The following ZNF594 variants were observed in gnomAD, a reference collection of about 807,000 sequenced individuals.
The protein encoded by ZNF594 is zinc finger protein HZF18.
For missense variants in ZNF594, 1,037 were observed against 964.6 expected, an observed-to-expected ratio of 1.08 and a Z score of -0.99; for synonymous variants, 336 against 309.4, an observed-to-expected ratio of 1.09 and a Z score of -0.90.
At position 5,183,637 on chromosome 17, in the gene ZNF594, C is replaced by G. The variant is rs758946143; in HGVS notation, c.620G>C (p.Gly207Ala). 3.1e-6 allele frequency: 5 copies of G among 1,614,088 alleles called. No individual in the cohort carries two copies. In the East Asian group the frequency reaches 1.1e-4, roughly 36 times the overall value. ...CTCTTTGCACTCATAGGGATTCCCACCACTGTGAATTTGCTTATGTCTCAC... is the reference window on the plus strand; with the variant it reads ...CTCTTTGCACTCATAGGGATTCCCAGCACTGTGAATTTGCTTATGTCTCAC... ...NLVRHKQIHS[G>A]GNPYECKECG... The change falls in exon 2 of 2, where the codon GGT becomes GCT. Residue 207 changes from glycine (G) to alanine (A), a missense_variant. Coordinates refer to ENST00000575779, the MANE Select transcript of ZNF594 (RefSeq NM_032530.2).
downstream of ZNF594, among the ~76,000 whole-genome samples, chr17:5,177,637 G>A (rs1293414446): frequency 6.6e-6 from 1 of 152,142 alleles, no homozygotes; most frequent in Non-Finnish European, 1.5e-5. Context: ...AGGAGTTCGA[G>A]ACCAGCCTGG....
intron 1 of ZNF594, among the ~76,000 whole-genome samples, chr17:5,184,881 G>A (rs900244633): frequency 6.6e-6 from 1 of 152,134 alleles, no homozygotes; most frequent in African/African-American, 2.4e-5. Flanking sequence ...AAACAAAGAT[G>A]GGTGGATCTG....
Position 5,184,020 on chromosome 17 carries a change from T to C in ZNF594, c.237A>G (p.Gly79=), listed in dbSNP as rs1567826918. The stretch of plus-strand genomic sequence containing the variant: ...CTTCATTACATCCATGGCCAATCTC[T>C]CCCACAATGGCTTTCTGGGGGATAA... ...MHIIPQKAIV[G]EIGHGCNEGE... Residue 79 remains glycine (G), a synonymous_variant, in exon 2 of 2, where the codon GGA becomes GGG. Coordinates refer to ENST00000575779, the MANE Select transcript of ZNF594 (RefSeq NM_032530.2). The C allele has an allele frequency of 6.2e-7, 1 of 1,614,192 alleles. No homozygotes were observed.
intron 1 of ZNF594, among the ~76,000 whole-genome samples, chr17:5,184,897 G>A (rs1051514359): frequency 2.6e-5 from 4 of 152,130 alleles, no homozygotes; most frequent in African/African-American, 9.7e-5. Context: ...ATCTGGAGTT[G>A]AGAGGCAATA....
chr17:5,189,822 A>G (rs1324924283), intron 1 of ZNF594, among the ~76,000 whole-genome samples: 3 of 152,224 alleles, frequency 2.0e-5, no homozygotes, highest in Non-Finnish European at 4.4e-5. Flanking sequence ...CTGGCCAAAA[A>G]CAAATTAGAT....
At chr17:5,190,285 T>C (rs1443628930) in intron 1 of ZNF594, among the ~76,000 whole-genome samples, 2 of 152,130 alleles carry the variant, frequency 1.3e-5, no homozygotes, top group Admixed American at 1.3e-4. Context: ...GGAGAATCGC[T>C]TGAACCTGGG....
chr17:5,184,147 G>A lies in ZNF594; in HGVS notation c.110C>T (p.Thr37Ile), dbSNP rs774850501. 1.2e-6 allele frequency: 2 copies of A among 1,614,170 alleles called. No homozygotes were observed. Among genetic ancestry groups the A allele is most frequent in the Non-Finnish European group, 1.7e-6 (2 of 1,180,030 alleles). ...QITQECELVETSNSEDRLLKH... is the reference protein window; with the variant it reads ...QITQECELVEISNSEDRLLKH... ...CAATAATCTGTCCTCAGAATTACTGGTTTCAACTAACTCACATTCCTGGGT... is the reference window on the plus strand; with the variant it reads ...CAATAATCTGTCCTCAGAATTACTGATTTCAACTAACTCACATTCCTGGGT... Residue 37 changes from threonine (T) to isoleucine (I), a missense_variant, in exon 2 of 2, where the codon ACC becomes ATC. Thr to Ile is a moderately conservative substitution (Grantham distance 89). Coordinates refer to ENST00000575779, the MANE Select transcript of ZNF594 (RefSeq NM_032530.2).
intron 1 of ZNF594, among the ~76,000 whole-genome samples, chr17:5,185,172 A>C (rs913014919): frequency 2.6e-5 from 4 of 152,136 alleles, no homozygotes; most frequent in Non-Finnish European, 5.9e-5. Flanking sequence ...TCCCCAGTGG[A>C]TTAGTCCGTT....
intron 1 of ZNF594, among the ~76,000 whole-genome samples, chr17:5,188,013 C>A (rs1023734972): frequency 6.6e-6 from 1 of 151,596 alleles, no homozygotes; most frequent in Non-Finnish European, 1.5e-5. Flanking sequence ...AGGCACTGCA[C>A]CTGGCCTTGG....
Position 5,182,409 on chromosome 17 carries a change from TCTATGATGTCTCAGAA to T in ZNF594, c.1832_1847del (p.Leu611GlnfsTer166), listed in dbSNP as rs1264699451. The T allele has an allele frequency of 6.2e-7, 1 of 1,613,604 alleles. No individual in the cohort carries two copies. The highest frequency in any genetic ancestry group is 8.5e-7 in the Non-Finnish European group (1 of 1,180,008). On this transcript the variant is annotated frameshift_variant, in exon 2 of 2. Transcript: ENST00000575779. LOFTEE classifies it low-confidence loss of function (END_TRUNC). ...CATAAGGTTTTTCTCCACTGTGAAT[TCTATGATGTCTCAGAA>T]GGTCTGAGCTCTGATTGAAAGTTTT...
chr17:5,183,594 C>T lies in ZNF594; in HGVS notation c.663G>A (p.Lys221=). The T allele has an allele frequency of 6.2e-7, 1 of 1,614,134 alleles. No homozygotes were observed. Among genetic ancestry groups the T allele is most frequent in the Non-Finnish European group, 8.5e-7 (1 of 1,180,004 alleles). ...YECKECGKAF[K]GSSNLVLHQR... Reference sequence around the variant, plus strand: ...GGTGCAGGACAAGGTTTGAGCTTCCCTTAAAAGCCTTCCCACACTCTTTGC... The same window carrying T: ...GGTGCAGGACAAGGTTTGAGCTTCCTTTAAAAGCCTTCCCACACTCTTTGC... The change falls in exon 2 of 2, where the codon AAG becomes AAA. Residue 221 remains lysine (K), a synonymous_variant. Coordinates refer to ENST00000575779, the MANE Select transcript of ZNF594 (RefSeq NM_032530.2).
At position 5,191,853 on chromosome 17, in the gene ZNF594, G is replaced by C. The variant is rs1020027670; in HGVS notation, c.-126C>G. 1 of 152,140 alleles carries C rather than the reference G, an allele frequency of 6.6e-6. No homozygotes were observed. Among genetic ancestry groups the C allele is most frequent in the African/African-American group, 2.4e-5 (1 of 41,404 alleles). 9.4% of individuals were successfully genotyped at this position (152,140 alleles called of 1,614,324 possible). A position where few individuals can be genotyped will look rare whatever the true frequency, so the allele number is the denominator to read the frequency against. ...CATCTTGGACCCCGCGCCTGGGCCA[G>C]GCGAGAACTTCCGGTGCGCTCCCCG... On this transcript the variant is annotated 5_prime_UTR_variant, in exon 1 of 2. Coordinates refer to ENST00000575779, the MANE Select transcript of ZNF594 (RefSeq NM_032530.2).
At chr17:5,186,478 G>T (rs2074387324) in intron 1 of ZNF594, among the ~76,000 whole-genome samples, 1 of 152,242 alleles carries the variant, frequency 6.6e-6, no homozygotes, top group South Asian at 2.1e-4. Flanking sequence ...GCCTGTGATG[G>T]GAGGGGCTGC....
chr17:5,191,852 A>C lies in ZNF594; in HGVS notation c.-125T>G, dbSNP rs1047884747. On this transcript the variant is annotated 5_prime_UTR_variant, in exon 1 of 2. Coordinates refer to ENST00000575779, the MANE Select transcript of ZNF594 (RefSeq NM_032530.2). ...CCATCTTGGACCCCGCGCCTGGGCCAGGCGAGAACTTCCGGTGCGCTCCCC... is the reference window on the plus strand; with the variant it reads ...CCATCTTGGACCCCGCGCCTGGGCCCGGCGAGAACTTCCGGTGCGCTCCCC... 6.6e-6 allele frequency: 1 copy of C among 151,974 alleles called. No homozygotes were observed. Among genetic ancestry groups the C allele is most frequent in the Non-Finnish European group, 1.5e-5 (1 of 67,998 alleles). 9.4% of individuals were successfully genotyped at this position (151,974 alleles called of 1,614,324 possible).
Position 5,182,444 on chromosome 17 carries a change from A to C in ZNF594, c.1813T>G (p.Phe605Val), listed in dbSNP as rs202038860. 2.2e-5 allele frequency: 36 copies of C among 1,608,502 alleles called. No homozygotes were observed. Among genetic ancestry groups the C allele is most frequent in the Non-Finnish European group, 2.7e-5 (32 of 1,179,434 alleles). ...PYECKECGKTFNQSSDLLRHH... is the reference protein window; with the variant it reads ...PYECKECGKTVNQSSDLLRHH... The stretch of plus-strand genomic sequence containing the variant: ...CTCAGAAGGTCTGAGCTCTGATTGA[A>C]AGTTTTCCCACATTCTTTGCATTCA... The change falls in exon 2 of 2, where the codon TTC becomes GTC. Residue 605 changes from phenylalanine to valine, a missense_variant. Physicochemically the swap from Phe to Val is conservative, Grantham distance 50. Coordinates refer to ENST00000575779, the MANE Select transcript of ZNF594 (RefSeq NM_032530.2).
downstream of ZNF594, among the ~76,000 whole-genome samples, chr17:5,175,201 C>T (rs749082369): frequency 6.6e-6 from 1 of 152,182 alleles, no homozygotes; most frequent in Non-Finnish European, 1.5e-5. Flanking sequence ...TGTTAGGAAC[C>T]GGGCTGCACA....
At chr17:5,188,548 A>G (rs1291722583) in intron 1 of ZNF594, among the ~76,000 whole-genome samples, 1 of 152,158 alleles carries the variant, frequency 6.6e-6, no homozygotes, top group African/African-American at 2.4e-5. Context: ...ACACATTTTC[A>G]GGGAAGAATA....
At position 5,190,778 on chromosome 17, in the gene ZNF594, T is replaced by C. The variant is rs117128634; in HGVS notation, c.-21+970A>G. The stretch of plus-strand genomic sequence containing the variant: ...ACAGACTCCATTTTAGTTTCTCCAC[T>C]GGCAGCCCCCTTTCACCTCCCTCCC... On this transcript the variant is annotated intron_variant, in intron 1 of 1. Transcript: ENST00000575779. Among the ~76,000 whole-genome samples the C allele has an allele frequency of 7.4e-3, 1,123 of 152,264 alleles. 11 individuals carry two copies. The highest frequency in any genetic ancestry group is 0.034 in the Middle Eastern group (10 of 294).
chr17:5,181,900 T>C lies in ZNF594; in HGVS notation c.2357A>G (p.Glu786Gly), dbSNP rs2074344125. ...LIRHQVTHTR[E>G]KPYECKECGK... Reference sequence around the variant, plus strand: ...ACATTCTTTACATTCATATGGTTTCTCTCTTGTATGAGTTACCTGATGTCT... The same window carrying C: ...ACATTCTTTACATTCATATGGTTTCCCTCTTGTATGAGTTACCTGATGTCT... Residue 786 changes from glutamate (E) to glycine (G), a missense_variant, in exon 2 of 2, where the codon GAG becomes GGG. Physicochemically the swap from Glu to Gly is moderately conservative, Grantham distance 98. Coordinates refer to ENST00000575779, the MANE Select transcript of ZNF594 (RefSeq NM_032530.2). 6.2e-7 allele frequency: 1 copy of C among 1,613,974 alleles called. No homozygotes were observed. The highest frequency in any genetic ancestry group is 1.3e-5 in the African/African-American group (1 of 74,880).
Sources: allele counts gnomAD v4.1 joint callset (sites outside exome capture counted in the v4.1 genomes callset), GRCh38; gene constraint gnomAD v4.1.1; transcripts MANE v1.5; gene names NCBI Gene and HGNC (gene_info 2026-07-23, HGNC 2026-07-21).